Variants in CFAP45 observed in about 807,000 individuals in gnomAD.
CFAP45 encodes cilia and flagella associated protein 45, also known as cilia- and flagella-associated protein 45.
In CFAP45, 43 loss-of-function variants were observed where a neutral mutation model predicts 75.6. That is an observed-to-expected ratio of 0.57 (90% CI 0.45 to 0.73). CFAP45 has a LOEUF of 0.73. CFAP45 is among the 30% of genes least tolerant of loss of function. The probability of loss-of-function intolerance (pLI) is 0.00; values close to 1 mark genes in which losing one functional copy is unlikely to be tolerated. For synonymous variants in CFAP45, 223 were observed against 244.6 expected (o/e 0.91, Z 0.82); for missense variants, 689 against 701.5 (o/e 0.98, Z 0.20).
intron 6 of CFAP45, among the ~76,000 whole-genome samples, chr1:159,885,679 T>C (rs116419467): frequency 7.6e-4 from 115 of 152,208 alleles, no homozygotes; most frequent in African/African-American, 2.7e-3. Flanking sequence ...CAGAACTGGA[T>C]ACGAAAGGAC....
rs7550537 is a variant in CFAP45, at chr1:159,880,611, C to G, written c.987G>C (p.Leu329=). ...GGTCTGCCAGCTTCTCCTGAGCCAG[C>G]AGTTCTGCTTTCTGTTTCTGGTTTT... ...NDENQKQKAE[L]LAQEKLADQM... is the part of the protein sequence containing the mutation. Residue 329 remains leucine (L), a synonymous_variant, in exon 8 of 12, where the codon CTG becomes CTC. Coordinates refer to ENST00000368099, the MANE Select transcript of CFAP45 (RefSeq NM_012337.3). 183,829 of 1,613,270 alleles carry G rather than the reference C, an allele frequency of 0.11. 11,281 individuals carry two copies. The highest frequency in any genetic ancestry group is 0.18 in the South Asian group (16,309 of 90,936).
At chr1:159,880,191 C>T (rs1040077201) in intron 8 of CFAP45, among the ~76,000 whole-genome samples, 1 of 152,140 alleles carries the variant, frequency 6.6e-6, no homozygotes, top group African/African-American at 2.4e-5. Context: ...TTTATGTAAC[C>T]GCTGACTCAT....
intron 8 of CFAP45, among the ~76,000 whole-genome samples, chr1:159,880,176 A>G (rs576942665): frequency 6.6e-6 from 1 of 152,232 alleles, no homozygotes; most frequent in Non-Finnish European, 1.5e-5. Flanking sequence ...CATTTGCACA[A>G]GAAATTTATG....
At chr1:159,898,370 C>T (rs1649998604) in intron 1 of CFAP45, 1 of 296,228 alleles carries the variant, frequency 3.4e-6, no homozygotes, top group Non-Finnish European at 5.0e-6. Flanking sequence ...TTCTGGAAGT[C>T]TGCCTAATTG....
intron 5 of CFAP45, among the ~76,000 whole-genome samples, chr1:159,887,549 C>T (rs1649718044): frequency 6.6e-6 from 1 of 152,250 alleles, no homozygotes; most frequent in African/African-American, 2.4e-5. Context: ...CCATCTACTA[C>T]CTTATTTCAT....
chr1:159,896,020 C>T (rs1649944283), intron 1 of CFAP45, among the ~76,000 whole-genome samples: 1 of 152,246 alleles, frequency 6.6e-6, no homozygotes, highest in African/African-American at 2.4e-5. Context: ...TGCCTGACTC[C>T]AAGTCACTCC....
At chr1:159,888,181 G>A (rs1285862744) in intron 4 of CFAP45, among the ~76,000 whole-genome samples, 170 bp from the exon 5 acceptor site, 10 of 152,118 alleles carry the variant, frequency 6.6e-5, no homozygotes, top group Non-Finnish European at 1.2e-4. Flanking sequence ...CCTTGGCCCC[G>A]GCTGCTCCCA....
chr1:159,873,328 CA>C (rs1239544173), intron 10 of CFAP45, 160 bp from the exon 11 acceptor site: 28 of 631,152 alleles, frequency 4.4e-5, no homozygotes, highest in Non-Finnish European at 7.7e-5. Context: ...GATCAGCCCC[CA>C]AAAGCTGCTG....
chr1:159,877,293 G>T lies in CFAP45; in HGVS notation c.1158+56C>A, dbSNP rs913648267. 1.1e-5 allele frequency: 13 copies of T among 1,217,772 alleles called. No homozygotes were observed. In the Admixed American group the frequency reaches 2.0e-4, roughly 19 times the overall value. The allele number at this position is 1,217,772 out of a possible 1,614,324, so 75.4% of individuals were successfully genotyped here. On this transcript the variant is annotated intron_variant, in intron 9 of 11. Transcript: ENST00000368099. ...AAGGCCATTCTACAGGCTGTCAAAG[G>T]GATGGATAGGCAAGGGAGTGGGAAA...
At chr1:159,900,060 C>T in intron 1 of CFAP45, 36 bp downstream of exon 1, 1 of 1,613,644 alleles carries the variant, frequency 6.2e-7, no homozygotes, top group Non-Finnish European at 8.5e-7. Context: ...CCACCCAATT[C>T]AGGACACAAG....
At chr1:159,890,373 G>T in intron 3 of CFAP45, 107 bp downstream of exon 3, 1 of 991,132 alleles carries the variant, frequency 1.0e-6, no homozygotes, top group Non-Finnish European at 1.6e-6. Context: ...AAGAAGTGGG[G>T]ATTGGACTGA....
Position 159,880,703 on chromosome 1 carries a change from G to A in CFAP45, c.898-3C>T. 6.2e-7 allele frequency: 1 copy of A among 1,613,382 alleles called. No homozygotes were observed. The highest frequency in any genetic ancestry group is 1.1e-5 in the South Asian group (1 of 90,942). On this transcript the variant is annotated splice_region_variant and splice_polypyrimidine_tract_variant and intron_variant, in intron 7 of 11. Transcript: ENST00000368099. ...TGTTGCTGCCTTCGTTCCATGTCCT[G>A]CCAGCAAAAGAAAGAGAGCCTCAGA...
At chr1:159,888,570 C>T (rs1649750754) in intron 3 of CFAP45, 74 bp from the exon 4 acceptor site, 1 of 1,340,188 alleles carries the variant, frequency 7.5e-7, no homozygotes, top group African/African-American at 1.4e-5. Flanking sequence ...CTTCTCTGCT[C>T]TCTTCCCCTC....
intron 1 of CFAP45, among the ~76,000 whole-genome samples, chr1:159,899,280 C>T (rs947644904): frequency 2.6e-5 from 4 of 152,138 alleles, no homozygotes; most frequent in African/African-American, 9.7e-5. Context: ...CACTCACTCA[C>T]TCATTTATTC....
chr1:159,873,344 T>G, intron 10 of CFAP45, 176 bp from the exon 11 acceptor site: 2 of 607,786 alleles, frequency 3.3e-6, no homozygotes, highest in Non-Finnish European at 5.8e-6. Flanking sequence ...CTGCTGCACA[T>G]GCATGCCCCC....
chr1:159,893,200 T>C lies in CFAP45; in HGVS notation c.109A>G (p.Ser37Gly). ...TKAVSSEVDE[S>G]LFGDIKSPAQ... ...ATTACCTTGATATCTCCAAAGAGGC[T>C]CTCATCCACCTCAGAGCTCACGGCT... The change falls in exon 2 of 12, where the codon AGC becomes GGC. Residue 37 changes from serine (S) to glycine (G), a missense_variant. Transcript: ENST00000368099. 6.2e-7 allele frequency: 1 copy of C among 1,614,048 alleles called. No homozygotes were observed. The highest frequency in any genetic ancestry group is 8.5e-7 in the Non-Finnish European group (1 of 1,179,934).
chr1:159,893,400 G>A (rs193248121), intron 1 of CFAP45, 95 bp from the exon 2 acceptor site: 1 of 1,228,594 alleles, frequency 8.1e-7, no homozygotes, highest in Non-Finnish European at 1.2e-6. Context: ...GGGGGAGTGG[G>A]TGGGCATGTG....
At chr1:159,894,310 G>A (rs1468669795) in intron 1 of CFAP45, among the ~76,000 whole-genome samples, 3 of 152,182 alleles carry the variant, frequency 2.0e-5, no homozygotes, top group Non-Finnish European at 4.4e-5. Context: ...CTCTTGTGGG[G>A]CAACTTGGGC....
intron 1 of CFAP45, among the ~76,000 whole-genome samples, chr1:159,896,946 A>C (rs1231152358): frequency 6.6e-6 from 1 of 152,224 alleles, no homozygotes; most frequent in Admixed American, 6.5e-5. Flanking sequence ...ATAACTTGTT[A>C]AGTTGTAAAG....
Sources: gnomAD v4.1 joint callset for allele counts (sites outside exome capture counted in the v4.1 genomes callset) on GRCh38, gnomAD v4.1.1 for gene constraint, MANE v1.5 for transcripts, NCBI Gene and HGNC (gene_info 2026-07-23, HGNC 2026-07-21) for gene names.